Variants in ARHGAP12 observed in about 807,000 individuals in gnomAD.
The protein encoded by ARHGAP12 is rho GTPase-activating protein 12.
In ARHGAP12, 64 loss-of-function variants were observed where a neutral mutation model predicts 108.6. The observed-to-expected ratio is 0.59, with a 90% CI of 0.48 to 0.73. The LOEUF (loss-of-function observed/expected upper bound fraction) is 0.73. ARHGAP12 is among the 30% of genes least tolerant of loss of function. The probability of loss-of-function intolerance (pLI) is 0.00; values close to 1 mark genes in which losing one functional copy is unlikely to be tolerated. For missense variants in ARHGAP12, 940 were observed against 1,005.9 expected (o/e 0.93, Z 0.89); for synonymous variants, 312 against 337.2 (o/e 0.93, Z 0.82).
intron 3 of ARHGAP12, among the ~76,000 whole-genome samples, chr10:31,887,793 G>C (rs911529507): frequency 4.0e-5 from 6 of 151,856 alleles, no homozygotes; most frequent in African/African-American, 1.5e-4. Context: ...AAGTAGCTGG[G>C]ACTACAGGTG....
chr10:31,926,948 TAACA>T (rs1481329636), intron 1 of ARHGAP12, among the ~76,000 whole-genome samples: 1 of 152,216 alleles, frequency 6.6e-6, no homozygotes, highest in African/African-American at 2.4e-5. Flanking sequence ...GGCATTATCT[TAACA>T]ATCAATGAGT....
chr10:31,813,716 T>G (rs1835099962), intron 14 of ARHGAP12, among the ~76,000 whole-genome samples: 1 of 152,182 alleles, frequency 6.6e-6, no homozygotes. Flanking sequence ...GCAATGTAAT[T>G]CATAAGGGGC....
In ARHGAP12 at chr10:31,908,919, G is replaced by T; in HGVS notation, c.-64C>A. The T allele has an allele frequency of 7.3e-7, 1 of 1,370,708 alleles. No homozygotes were observed. The highest frequency in any genetic ancestry group is 9.8e-7 in the Non-Finnish European group (1 of 1,015,334). The allele number at this position is 1,370,708 out of a possible 1,614,324, so 84.9% of individuals were successfully genotyped here. On this transcript the variant is annotated 5_prime_UTR_variant, in exon 3 of 20. Coordinates refer to ENST00000344936, the MANE Select transcript of ARHGAP12 (RefSeq NM_018287.7). ...ATTATGGCTTTATGGCTTGTTGGATGAATATAGCTGTTTTATTTAAATGGA... is the reference window on the plus strand; with the variant it reads ...ATTATGGCTTTATGGCTTGTTGGATTAATATAGCTGTTTTATTTAAATGGA...
chr10:31,892,896 C>T (rs1162450442), intron 3 of ARHGAP12, among the ~76,000 whole-genome samples: 1 of 152,192 alleles, frequency 6.6e-6, no homozygotes, highest in African/African-American at 2.4e-5. Flanking sequence ...TTATAACAAA[C>T]TGTCTCTCAG....
chr10:31,875,048 C>G (rs537238311), intron 3 of ARHGAP12, among the ~76,000 whole-genome samples: 94 of 148,244 alleles, frequency 6.3e-4, no homozygotes, highest in African/African-American at 2.1e-3. Flanking sequence ...TTACAGAAGA[C>G]CATATGTAAG....
rs1314805796 is a variant in ARHGAP12 at position 31,862,707 on chromosome 10, C to CACACACAG, written c.685-1050_685-1049insCTGTGTGT. 4.0e-4 allele frequency among the ~76,000 whole-genome samples: 4 copies of CACACACAG among 10,038 alleles called. No homozygotes were observed. The African/African-American group carries it at 4.3e-3, about 11-fold the overall frequency. The allele number at this position is 10,038 out of a possible 152,430, so 6.6% of individuals were successfully genotyped here. A position where few individuals can be genotyped will look rare whatever the true frequency, so the allele number is the denominator to read the frequency against. On this transcript the variant is annotated intron_variant, in intron 3 of 19. Coordinates refer to ENST00000344936, the MANE Select transcript of ARHGAP12 (RefSeq NM_018287.7). ...TGACAGTGGCGCATGCACACACAGA[C>CACACACAG]ACACACACACACACACACACACACA...
intron 6 of ARHGAP12, 44 bp downstream of exon 6, chr10:31,852,473 C>A (rs1322874175): frequency 7.4e-7 from 1 of 1,357,354 alleles, no homozygotes. Context: ...GATATTACTT[C>A]ATCTACTATT....
intron 6 of ARHGAP12, among the ~76,000 whole-genome samples, chr10:31,846,705 T>A (rs965185676): frequency 1.3e-5 from 2 of 152,146 alleles, no homozygotes; most frequent in Admixed American, 6.5e-5. Flanking sequence ...ATGGATTTCT[T>A]TGGGTTTACC....
chr10:31,869,132 T>C (rs898701444), intron 3 of ARHGAP12, among the ~76,000 whole-genome samples: 7 of 152,168 alleles, frequency 4.6e-5, no homozygotes, highest in Non-Finnish European at 1.0e-4. Context: ...AGCAGTAAGA[T>C]ATAAGTACTT....
chr10:31,821,816 A>G (rs1835427357), intron 11 of ARHGAP12, among the ~76,000 whole-genome samples: 1 of 152,206 alleles, frequency 6.6e-6, no homozygotes, highest in Admixed American at 6.5e-5. Context: ...TGTATTCTAC[A>G]AAGTCTTTGC....
At chr10:31,839,341 T>C (rs1836161212) in intron 8 of ARHGAP12, 22 bp from the exon 9 acceptor site, 1 of 1,604,182 alleles carries the variant, frequency 6.2e-7, no homozygotes, top group Non-Finnish European at 8.5e-7. Flanking sequence ...AAGAGTAAAG[T>C]ATAATGTCAT....
intron 9 of ARHGAP12, among the ~76,000 whole-genome samples, chr10:31,835,028 A>G (rs1835960309): frequency 1.3e-5 from 2 of 151,902 alleles, no homozygotes; most frequent in African/African-American, 4.8e-5. Flanking sequence ...GTAAAACCCC[A>G]TCTCTACTAA....
At chr10:31,865,666 G>A (rs1163609593) in intron 3 of ARHGAP12, among the ~76,000 whole-genome samples, 1 of 151,978 alleles carries the variant, frequency 6.6e-6, no homozygotes, top group African/African-American at 2.4e-5. Flanking sequence ...ACGAGGTCAG[G>A]AAATCGAGAT....
intron 3 of ARHGAP12, among the ~76,000 whole-genome samples, chr10:31,891,655 G>A (rs1238107356): frequency 1.3e-5 from 2 of 152,044 alleles, no homozygotes; most frequent in Admixed American, 6.6e-5. Flanking sequence ...ACGTTCTCCC[G>A]GATAATATTC....
rs1424406025 is a variant in ARHGAP12 at position 31,908,512 on chromosome 10, C to G, written c.344G>C (p.Ser115Thr). 3 of 1,614,214 alleles carry G rather than the reference C, an allele frequency of 1.9e-6. No homozygotes were observed. In the African/African-American group the frequency reaches 4.0e-5, roughly 22 times the overall value. ...ENVNKLPELS[S>T]FGKPSSSVQG... is the part of the protein sequence containing the mutation. ...AACAGATGACGATGGCTTTCCGAAA[C>G]TTGAAAGCTCAGGCAATTTGTTCAC... The change falls in exon 3 of 20, where the codon AGT becomes ACT. Residue 115 changes from serine (S) to threonine (T), a missense_variant. By Grantham distance (58) the Ser-to-Thr change is moderately conservative (BLOSUM62 1). Transcript: ENST00000344936.
intron 3 of ARHGAP12, among the ~76,000 whole-genome samples, chr10:31,880,674 A>G (rs1837913114): frequency 6.6e-6 from 1 of 152,134 alleles, no homozygotes; most frequent in Admixed American, 6.6e-5. Context: ...GCAATTATTA[A>G]TAAGTTCCAC....
At chr10:31,835,790 G>A (rs1835994214) in intron 9 of ARHGAP12, among the ~76,000 whole-genome samples, 1 of 152,140 alleles carries the variant, frequency 6.6e-6, no homozygotes, top group Admixed American at 6.5e-5. Context: ...CATCCAGAAT[G>A]GGTAAATCCA....
chr10:31,841,124 CAATTAT>C (rs1194459948), intron 7 of ARHGAP12, among the ~76,000 whole-genome samples: 16 of 151,948 alleles, frequency 1.1e-4, no homozygotes, highest in Non-Finnish European at 2.1e-4. Context: ...AACATATGTA[CAATTAT>C]AACTATTATA....
At chr10:31,808,600 C>A in intron 19 of ARHGAP12, 49 bp downstream of exon 19, 7 of 1,554,000 alleles carry the variant, frequency 4.5e-6, no homozygotes, top group South Asian at 1.1e-5. Context: ...CAGGCCTTCC[C>A]GCTTCCCCTT....
Sources: allele counts gnomAD v4.1 joint callset (sites outside exome capture counted in the v4.1 genomes callset), GRCh38; gene constraint gnomAD v4.1.1; transcripts MANE v1.5; gene names NCBI Gene and HGNC (gene_info 2026-07-23, HGNC 2026-07-21).